Variants in ARHGEF3 observed in about 807,000 individuals in gnomAD.
ARHGEF3 encodes the protein Rho guanine nucleotide exchange factor 3.
A neutral mutation model predicts 63.2 loss-of-function variants in ARHGEF3; 28 were observed. The ratio of observed to expected loss-of-function variants is 0.44; its 90% CI spans 0.33 to 0.61. The LOEUF is 0.61. Ranked by LOEUF, ARHGEF3 falls within the 20% of genes least tolerant of loss-of-function variation. The pLI is 0.03. For missense variants in ARHGEF3, 533 were observed against 659.3 expected (o/e 0.81, Z 2.10); for synonymous variants, 266 against 254.2 (o/e 1.05, Z -0.44).
intron 2 of ARHGEF3, among the ~76,000 whole-genome samples, chr3:56,985,966 G>A (rs1189116159): frequency 6.6e-6 from 1 of 152,168 alleles, no homozygotes; most frequent in Non-Finnish European, 1.5e-5. Flanking sequence ...CCCAGAGAAG[G>A]CCCTGTTCAA....
chr3:56,957,269 A>C (rs778914862), intron 3 of ARHGEF3, among the ~76,000 whole-genome samples: 3 of 152,242 alleles, frequency 2.0e-5, no homozygotes, highest in Non-Finnish European at 4.4e-5. Context: ...TCCATGATCT[A>C]TATTTATTTT....
chr3:57,038,322 T>C (rs973476126), intron 1 of ARHGEF3, among the ~76,000 whole-genome samples: 2 of 152,192 alleles, frequency 1.3e-5, no homozygotes, highest in Admixed American at 6.5e-5. Flanking sequence ...CCGGGGGTTG[T>C]TGGGTTGATC....
chr3:56,992,936 C>T (rs1293134309), intron 2 of ARHGEF3, among the ~76,000 whole-genome samples: 5 of 152,140 alleles, frequency 3.3e-5, no homozygotes, highest in African/African-American at 7.2e-5. Context: ...TGGGTTCAAG[C>T]GATTCTCCTG....
intron 4 of ARHGEF3, among the ~76,000 whole-genome samples, chr3:56,878,209 T>C (rs556834620): frequency 3.3e-5 from 5 of 152,296 alleles, no homozygotes; most frequent in African/African-American, 9.6e-5. Context: ...CTACAGCGTC[T>C]CTCGCCCATT....
chr3:56,810,202 C>T (rs970147074), intron 4 of ARHGEF3, among the ~76,000 whole-genome samples: 3 of 152,176 alleles, frequency 2.0e-5, no homozygotes, highest in Admixed American at 6.5e-5. Flanking sequence ...ATCAAAGTAC[C>T]GTATTTTGTC....
At chr3:56,852,499 C>G (rs1239824471) in intron 4 of ARHGEF3, among the ~76,000 whole-genome samples, 1 of 152,186 alleles carries the variant, frequency 6.6e-6, no homozygotes, top group Non-Finnish European at 1.5e-5. Flanking sequence ...CACTTACACA[C>G]ACATGCGTGT....
intron 2 of ARHGEF3, among the ~76,000 whole-genome samples, chr3:56,761,564 A>ATT (rs2035422933): frequency 1.3e-5 from 2 of 152,102 alleles, no homozygotes; most frequent in Non-Finnish European, 2.9e-5. Flanking sequence ...CTATTCACTG[A>ATT]TGGATTCATC....
At chr3:56,823,582 A>C (rs2038598484) in intron 4 of ARHGEF3, among the ~76,000 whole-genome samples, 1 of 152,136 alleles carries the variant, frequency 6.6e-6, no homozygotes, top group Non-Finnish European at 1.5e-5. Flanking sequence ...GGAATCTATG[A>C]AATGCTCTAC....
chr3:56,732,767 C>T lies in ARHGEF3; in HGVS notation c.1042-343G>A, dbSNP rs542385771. Among the ~76,000 whole-genome samples, 11 of 151,744 alleles carry T rather than the reference C, an allele frequency of 7.2e-5. No homozygotes were observed. The East Asian group carries it at 1.4e-3, about 19-fold the overall frequency. ...TGCCCCAGCTCCTATAAGAAAAAAA[C>T]GAGAAAGGGAAATAGAATCAAGAAG... On this transcript the variant is annotated intron_variant, in intron 8 of 9. Transcript: ENST00000296315.
chr3:56,879,381 T>A (rs1289816189), intron 4 of ARHGEF3, among the ~76,000 whole-genome samples: 4 of 152,148 alleles, frequency 2.6e-5, no homozygotes, highest in African/African-American at 9.7e-5. Flanking sequence ...TTAAAAGAGG[T>A]ATACATTAGG....
At chr3:56,829,180 C>T (rs979011457) in intron 4 of ARHGEF3, among the ~76,000 whole-genome samples, 3 of 152,156 alleles carry the variant, frequency 2.0e-5, no homozygotes, top group African/African-American at 7.2e-5. Flanking sequence ...CCCACCTCGG[C>T]CTCCCAAAGT....
intron 2 of ARHGEF3, among the ~76,000 whole-genome samples, chr3:57,025,552 G>A (rs1354348898): frequency 1.3e-5 from 2 of 152,162 alleles, no homozygotes; most frequent in African/African-American, 4.8e-5. Context: ...TACAGAAGTA[G>A]GCAAATGCTA....
At chr3:57,036,607 G>A (rs1424296174) in intron 1 of ARHGEF3, among the ~76,000 whole-genome samples, 1 of 152,124 alleles carries the variant, frequency 6.6e-6, no homozygotes, top group African/African-American at 2.4e-5. Flanking sequence ...TGTACCACAT[G>A]GCCCCAAACA....
intron 2 of ARHGEF3, among the ~76,000 whole-genome samples, chr3:56,978,362 CACACGTTCCT>C (rs1264228263): frequency 6.6e-6 from 1 of 152,198 alleles, no homozygotes; most frequent in African/African-American, 2.4e-5. Context: ...TGTGCCATGT[CACACGTTCCT>C]ACACTGTCTA....
At chr3:56,912,236 T>C (rs1346681073) in intron 3 of ARHGEF3, among the ~76,000 whole-genome samples, 1 of 152,216 alleles carries the variant, frequency 6.6e-6, no homozygotes, top group Non-Finnish European at 1.5e-5. Flanking sequence ...ACATCTCTGA[T>C]TTGACAAGTG....
chr3:56,917,044 T>A (rs1312253427), intron 3 of ARHGEF3, among the ~76,000 whole-genome samples: 1 of 152,206 alleles, frequency 6.6e-6, no homozygotes, highest in Non-Finnish European at 1.5e-5. Flanking sequence ...TGGAAATAAT[T>A]CATGGCTGAC....
chr3:57,043,849 C>A (rs1388098248), intron 1 of ARHGEF3, among the ~76,000 whole-genome samples: 1 of 152,222 alleles, frequency 6.6e-6, no homozygotes. Context: ...AGTGTTTAGC[C>A]AAGAAGATGT....
intron 4 of ARHGEF3, among the ~76,000 whole-genome samples, chr3:56,851,470 G>A (rs1483457750): frequency 2.0e-5 from 3 of 152,246 alleles, no homozygotes; most frequent in East Asian, 3.9e-4. Context: ...TTACAGTTCC[G>A]TAGGCTGAAA....
At chr3:56,958,187 G>C (rs1236188631) in intron 3 of ARHGEF3, among the ~76,000 whole-genome samples, 1 of 152,052 alleles carries the variant, frequency 6.6e-6, no homozygotes, top group Non-Finnish European at 1.5e-5. Flanking sequence ...GTTCCCTCCA[G>C]GTTCCAAAGA....
Sources: gnomAD v4.1 joint callset for allele counts (sites outside exome capture counted in the v4.1 genomes callset) on GRCh38, gnomAD v4.1.1 for gene constraint, MANE v1.5 for transcripts, NCBI Gene and HGNC (gene_info 2026-07-23, HGNC 2026-07-21) for gene names.